REXO5: variants seen among roughly 807,000 people sequenced by gnomAD.
REXO5 encodes the protein RNA exonuclease 5, also known as exonuclease NEF-sp.
A neutral mutation model predicts 88.5 loss-of-function variants in REXO5; 48 were observed. The ratio of observed to expected loss-of-function variants is 0.54; its 90% CI spans 0.43 to 0.69. REXO5 has a LOEUF of 0.69. Ranked by LOEUF, REXO5 falls within the 30% of genes least tolerant of loss-of-function variation. The probability of loss-of-function intolerance (pLI) is 0.00; values close to 1 mark genes in which losing one functional copy is unlikely to be tolerated. For synonymous variants in REXO5, 311 were observed against 336.5 expected, an observed-to-expected ratio of 0.92 and a Z score of 0.83; for missense variants, 749 against 912.2, an observed-to-expected ratio of 0.82 and a Z score of 2.30.
At position 20,814,850 on chromosome 16, in the gene REXO5, C is replaced by G. The variant is rs535379659; in HGVS notation, c.252-77C>G. On this transcript the variant is annotated intron_variant, in intron 3 of 19. Transcript: ENST00000261377. ...ACTCACTGCTTTTCCTGCGCCTTCT[C>G]CCCTATTTCCCCTCTATATGACTGT... 5.7e-6 allele frequency: 8 copies of G among 1,410,072 alleles called. No homozygotes were observed. The African/African-American group carries it at 8.8e-5, about 16-fold the overall frequency. The allele number at this position is 1,410,072 out of a possible 1,614,324, so 87.3% of individuals were successfully genotyped here. A position where few individuals can be genotyped will look rare whatever the true frequency, so the allele number is the denominator to read the frequency against.
intron 2 of REXO5, among the ~76,000 whole-genome samples, chr16:20,808,133 G>C (rs1033689225): frequency 6.6e-6 from 1 of 152,144 alleles, no homozygotes; most frequent in Non-Finnish European, 1.5e-5. Context: ...TAATGCACTT[G>C]AATCACCCCG....
At chr16:20,814,089 GT>G (rs760255961) in intron 3 of REXO5, among the ~76,000 whole-genome samples, 353 of 130,246 alleles carry the variant, frequency 2.7e-3, no homozygotes, top group African/African-American at 6.6e-3. Flanking sequence ...ATCTAAAACT[GT>G]TTTTTTTTTT....
intron 13 of REXO5, among the ~76,000 whole-genome samples, chr16:20,835,132 ATCT>A: frequency 6.7e-6 from 1 of 149,968 alleles, no homozygotes; most frequent in Non-Finnish European, 1.5e-5. Context: ...GTCCTTTTGG[ATCT>A]TCTTTCTTTC....
At chr16:20,821,471 T>C (rs2081184507) in intron 5 of REXO5, among the ~76,000 whole-genome samples, 2 of 152,126 alleles carry the variant, frequency 1.3e-5, no homozygotes, top group African/African-American at 4.8e-5. Context: ...TTTGTATTTT[T>C]AGTAGAGACA....
intron 19 of REXO5, among the ~76,000 whole-genome samples, chr16:20,848,037 G>A (rs2081637081): frequency 6.6e-6 from 1 of 152,108 alleles, no homozygotes; most frequent in Non-Finnish European, 1.5e-5. Context: ...AGCACCCCCT[G>A]GAAGCAGCAA....
chr16:20,823,290 AT>A (rs1596582892), intron 6 of REXO5, among the ~76,000 whole-genome samples: 1 of 152,024 alleles, frequency 6.6e-6, no homozygotes, highest in East Asian at 1.9e-4. Flanking sequence ...TATTTTTTTA[AT>A]TTTTTAAGTT....
chr16:20,814,970 GT>G lies in REXO5; in HGVS notation c.300del (p.Phe100LeufsTer6). On this transcript the variant is annotated frameshift_variant, in exon 4 of 20. Coordinates refer to ENST00000261377, the MANE Select transcript of REXO5 (RefSeq NM_030941.3). LOFTEE classifies it high-confidence loss of function. ...TCAAAACCACCTAAACAACGTAGTG[GT>G]TTTTGTTCTGCAGGGAATGAGTCAG... ...FHQNHLNNVV[V>X]FVLQGMSQLH... is the part of the protein sequence containing the mutation. 2 of 1,613,710 alleles carry G rather than the reference GT, an allele frequency of 1.2e-6. No homozygotes were observed. Among genetic ancestry groups the G allele is most frequent in the Non-Finnish European group, 8.5e-7 (1 of 1,179,880 alleles).
chr16:20,828,585 C>G, intron 11 of REXO5, 48 bp downstream of exon 11: 2 of 1,283,004 alleles, frequency 1.6e-6, no homozygotes, highest in Non-Finnish European at 2.3e-6. Flanking sequence ...AATCATGGGA[C>G]TAGATCAGAT....
At chr16:20,836,572 CAAAGTTGCTAT>C (rs1419265930) in intron 13 of REXO5, among the ~76,000 whole-genome samples, 3 of 152,182 alleles carry the variant, frequency 2.0e-5, no homozygotes, top group African/African-American at 7.2e-5. Context: ...CAATTATGGA[CAAAGTTGCTAT>C]AAATGTCTGT....
chr16:20,826,386 A>G (rs1007421836), intron 8 of REXO5, among the ~76,000 whole-genome samples: 44 of 152,378 alleles, frequency 2.9e-4, no homozygotes, highest in Non-Finnish European at 6.2e-4. Flanking sequence ...ATGTTAGTCT[A>G]CTTTTCCAAA....
At chr16:20,843,825 G>A in intron 15 of REXO5, 109 bp from the exon 16 acceptor site, 2 of 674,100 alleles carry the variant, frequency 3.0e-6, no homozygotes, top group Non-Finnish European at 5.2e-6. Context: ...CACAGTAAAG[G>A]CATCCATTCT....
chr16:20,846,392 G>C, intron 19 of REXO5, 53 bp downstream of exon 19: 2 of 1,361,592 alleles, frequency 1.5e-6, no homozygotes, highest in Admixed American at 1.8e-5. Context: ...GATTTCAGCT[G>C]TTCTTAGAGA....
chr16:20,816,203 A>G lies in REXO5; in HGVS notation c.466A>G (p.Thr156Ala). Residue 156 changes from threonine to alanine, a missense_variant, in exon 5 of 20, where the codon ACA (threonine) becomes GCA (alanine). Thr to Ala is a moderately conservative substitution (Grantham distance 58). Coordinates refer to ENST00000261377, the MANE Select transcript of REXO5 (RefSeq NM_030941.3). ...TEQRAGDLPK[T>A]MEGPLPSNAK... Reference sequence around the variant, plus strand: ...ACAAAGAGCTGGAGATCTGCCCAAGACAATGGAAGGTATAGCTATGATGCT... The same window carrying G: ...ACAAAGAGCTGGAGATCTGCCCAAGGCAATGGAAGGTATAGCTATGATGCT... The G allele has an allele frequency of 6.2e-7, 1 of 1,612,752 alleles. No homozygotes were observed. The highest frequency in any genetic ancestry group is 8.5e-7 in the Non-Finnish European group (1 of 1,178,756).
chr16:20,828,698 G>A (rs1346987344), intron 11 of REXO5, among the ~76,000 whole-genome samples, 161 bp downstream of exon 11: 2 of 152,070 alleles, frequency 1.3e-5, no homozygotes, highest in Non-Finnish European at 2.9e-5. Context: ...GGAGGCCAGG[G>A]TGGGCAGATC....
intron 3 of REXO5, among the ~76,000 whole-genome samples, chr16:20,813,530 T>C (rs997218976): frequency 6.6e-6 from 1 of 152,142 alleles, no homozygotes; most frequent in African/African-American, 2.4e-5. Flanking sequence ...AACTCAAAGA[T>C]GGCAGCTATC....
intron 15 of REXO5, among the ~76,000 whole-genome samples, chr16:20,841,681 C>T (rs1160639025): frequency 6.6e-6 from 1 of 152,114 alleles, no homozygotes; most frequent in African/African-American, 2.4e-5. Context: ...CTTGGCTCAC[C>T]ACAGCCTCTG....
At chr16:20,843,192 C>T (rs747163705) in intron 15 of REXO5, among the ~76,000 whole-genome samples, 15 of 152,134 alleles carry the variant, frequency 9.9e-5, no homozygotes, top group Non-Finnish European at 2.2e-4. Flanking sequence ...TCCAGCTACT[C>T]TGCAGTGTTT....
chr16:20,845,988 G>T (rs1486103807), intron 18 of REXO5, among the ~76,000 whole-genome samples: 1 of 152,210 alleles, frequency 6.6e-6, no homozygotes, highest in East Asian at 1.9e-4. Flanking sequence ...GACCCATGTG[G>T]AGGAAAGGAC....
chr16:20,806,429 A>C, upstream of REXO5: 1 of 1,552,998 alleles, frequency 6.4e-7, no homozygotes, highest in Non-Finnish European at 8.7e-7. Context: ...CTTGGTCGCC[A>C]TTCCCGACAC....
Sources: allele counts gnomAD v4.1 joint callset (sites outside exome capture counted in the v4.1 genomes callset), GRCh38; gene constraint gnomAD v4.1.1; transcripts MANE v1.5; gene names NCBI Gene and HGNC (gene_info 2026-07-23, HGNC 2026-07-21).